Variants in RFPL1 observed in about 807,000 individuals in gnomAD.
The protein encoded by RFPL1 is ret finger protein-like 1.
RFPL1 carries 6 observed loss-of-function variants against 9.6 expected under a neutral mutation model. That is an observed-to-expected ratio of 0.62 (90% CI 0.34 to 1.23). RFPL1 has a LOEUF of 1.23. RFPL1 is among the 50% of genes most tolerant of loss of function. RFPL1 has a pLI of 0.03. For synonymous variants in RFPL1, 145 were observed against 149.4 expected (o/e 0.97, Z 0.22); for missense variants, 352 against 398.4 (o/e 0.88, Z 0.99).
At chr22:29,391,637 G>A in the RFPL1 span, among the ~76,000 whole-genome samples, 2 of 152,170 alleles carry the variant, frequency 1.3e-5, no homozygotes, top group East Asian at 1.9e-4. Context: ...AGCACCGGGC[G>A]GCTCAGGAAG....
chr22:29,389,685 CAAAAAAA>C, the RFPL1 span, among the ~76,000 whole-genome samples: 3 of 75,582 alleles, frequency 4.0e-5, no homozygotes, highest in Non-Finnish European at 5.5e-5. Context: ...GACTCCGTCT[CAAAAAAA>C]AAAAAAAAGA....
At chr22:29,437,024 A>T (rs1483129589), upstream of RFPL1, 2 of 152,546 alleles carry the variant, frequency 1.3e-5, no homozygotes. Flanking sequence ...CTTCACGGGT[A>T]ACAATTTTTA....
At chr22:29,439,404 C>G (rs1000744123) in intron 1 of RFPL1, 59 of 579,312 alleles carry the variant, frequency 1.0e-4, no homozygotes, top group Non-Finnish European at 1.5e-4. Context: ...GAGGCCGAGG[C>G]GGGTGGATCA....
At chr22:29,394,158 C>T in the RFPL1 span, among the ~76,000 whole-genome samples, 3 of 152,106 alleles carry the variant, frequency 2.0e-5, no homozygotes, top group Non-Finnish European at 2.9e-5. Context: ...ATACCCTGCC[C>T]GATTTGAGCT....
At chr22:29,435,246 C>T (rs868718953), upstream of RFPL1, among the ~76,000 whole-genome samples, 6 of 152,228 alleles carry the variant, frequency 3.9e-5, no homozygotes, top group South Asian at 2.1e-4. Context: ...GTCCGAGTGG[C>T]TTTTGCTGGC....
chr22:29,426,452 A>G, the RFPL1 span, among the ~76,000 whole-genome samples: 2 of 151,910 alleles, frequency 1.3e-5, no homozygotes, highest in Non-Finnish European at 2.9e-5. Flanking sequence ...AGACAACCGT[A>G]TAAAAGAAGT....
upstream of RFPL1, chr22:29,436,874 C>T (rs1312474544): frequency 2.0e-5 from 3 of 151,934 alleles, no homozygotes; most frequent in East Asian, 5.8e-4. Context: ...TTAATATGTG[C>T]CAAAGGGAAT....
chr22:29,441,556 G>A, exon 2 of RFPL1: 1 of 1,607,550 alleles, frequency 6.2e-7, no homozygotes, highest in Non-Finnish European at 8.5e-7. Flanking sequence ...TATGACCTTG[G>A]ATGCCGACAC....
chr22:29,416,629 G>A, the RFPL1 span, among the ~76,000 whole-genome samples: 4 of 152,096 alleles, frequency 2.6e-5, no homozygotes, highest in South Asian at 2.1e-4. Flanking sequence ...CTGGAGGGTC[G>A]CAGGGAAGCA....
exon 1 of RFPL1, chr22:29,439,010 G>T (rs756683428): frequency 6.8e-6 from 11 of 1,613,936 alleles, no homozygotes; most frequent in Admixed American, 3.3e-5. Flanking sequence ...AGCCCCATGG[G>T]GAGGATCTAC....
chr22:29,435,655 A>T (rs1370693348), upstream of RFPL1, among the ~76,000 whole-genome samples: 1 of 152,192 alleles, frequency 6.6e-6, no homozygotes, highest in East Asian at 1.9e-4. Flanking sequence ...CCAAGGAGTG[A>T]TCTCATCCCA....
chr22:29,427,205 G>C, the RFPL1 span, among the ~76,000 whole-genome samples: 37 of 152,382 alleles, frequency 2.4e-4, no homozygotes, highest in Non-Finnish European at 5.0e-4. Context: ...ACAGTGCCCA[G>C]GACTGATGAG....
At chr22:29,415,977 G>A in the RFPL1 span, among the ~76,000 whole-genome samples, 13 of 152,324 alleles carry the variant, frequency 8.5e-5, no homozygotes, top group East Asian at 1.9e-4. Flanking sequence ...GGACCTTCCC[G>A]TGGCTGCTGA....
chr22:29,412,712 T>G, the RFPL1 span, among the ~76,000 whole-genome samples: 1 of 152,106 alleles, frequency 6.6e-6, no homozygotes, highest in African/African-American at 2.4e-5. Context: ...AGAGATGAGT[T>G]CTAGATCACC....
chr22:29,422,451 GC>G, the RFPL1 span, among the ~76,000 whole-genome samples: 1 of 152,286 alleles, frequency 6.6e-6, no homozygotes, highest in South Asian at 2.1e-4. Context: ...GGTGGTGCAT[GC>G]CTGTAATCCC....
exon 2 of RFPL1, chr22:29,441,843 C>G: frequency 6.2e-7 from 1 of 1,613,966 alleles, no homozygotes; most frequent in Admixed American, 1.7e-5. Flanking sequence ...ATGGAAGCCG[C>G]CTCTCTGCCA....
chr22:29,437,556 C>T, upstream of RFPL1: 1 of 1,491,420 alleles, frequency 6.7e-7, no homozygotes, highest in South Asian at 1.2e-5. Context: ...CCAGTAAAAA[C>T]CTAATTCCCT....
chr22:29,437,840 T>C (rs2062815984), upstream of RFPL1: 13 of 1,084,782 alleles, frequency 1.2e-5, no homozygotes, highest in South Asian at 1.9e-4. Flanking sequence ...CAACAAAGGC[T>C]GTCTGAGTGC....
the RFPL1 span, among the ~76,000 whole-genome samples, chr22:29,415,580 C>T: frequency 2.0e-5 from 3 of 152,240 alleles, no homozygotes; most frequent in Non-Finnish European, 4.4e-5. Context: ...CCTCGCTTCC[C>T]GGTCAGGGAA....
Sources: gnomAD v4.1 joint callset for allele counts (sites outside exome capture counted in the v4.1 genomes callset) on GRCh38, gnomAD v4.1.1 for gene constraint, MANE v1.5 for transcripts, NCBI Gene and HGNC (gene_info 2026-07-23, HGNC 2026-07-21) for gene names.